TYW3: variants seen among roughly 807,000 people sequenced by gnomAD.
TYW3 encodes tRNA wybutosine-synthesizing protein 3 homolog.
A neutral mutation model predicts 23.1 loss-of-function variants in TYW3; 26 were observed. The ratio of observed to expected loss-of-function variants is 1.13; its 90% CI spans 0.83 to 1.56. The LOEUF (loss-of-function observed/expected upper bound fraction) is 1.56, where lower values mean the gene tolerates loss of function less well. Ranked by LOEUF, TYW3 falls within the 40% of genes most tolerant of loss-of-function variation. TYW3 has a pLI of 0.00. For synonymous variants in TYW3, 102 were observed against 105.7 expected, an observed-to-expected ratio of 0.97 and a Z score of 0.21; for missense variants, 316 against 311.9, an observed-to-expected ratio of 1.01 and a Z score of -0.10.
chr1:74,755,637 T>C (rs1383805471), intron 5 of TYW3, among the ~76,000 whole-genome samples: 7 of 152,214 alleles, frequency 4.6e-5, no homozygotes, highest in Non-Finnish European at 8.8e-5. Flanking sequence ...CTGAACATCA[T>C]TGTACAAGTA....
intron 3 of TYW3, among the ~76,000 whole-genome samples, chr1:74,741,066 T>C (rs1159692848): frequency 6.6e-6 from 1 of 152,144 alleles, no homozygotes; most frequent in Non-Finnish European, 1.5e-5. Flanking sequence ...AAAGGGCCAG[T>C]GGGTCCGTCC....
intron 3 of TYW3, among the ~76,000 whole-genome samples, chr1:74,744,398 G>A (rs935330363): frequency 6.6e-6 from 1 of 151,890 alleles, no homozygotes; most frequent in Admixed American, 6.6e-5. Flanking sequence ...AAAAAAAAAT[G>A]AGCCGCCTCT....
intron 5 of TYW3, among the ~76,000 whole-genome samples, chr1:74,753,067 A>G (rs1434071631): frequency 6.6e-6 from 1 of 152,236 alleles, no homozygotes; most frequent in Non-Finnish European, 1.5e-5. Context: ...AAGTTTATAT[A>G]TAAAGTAGTA....
intron 3 of TYW3, among the ~76,000 whole-genome samples, chr1:74,743,871 G>C (rs903393594): frequency 9.2e-5 from 14 of 152,176 alleles, no homozygotes; most frequent in Admixed American, 5.2e-4. Flanking sequence ...ATCTCTCCAA[G>C]AGAGATCACA....
chr1:74,742,151 G>A (rs567491225), intron 3 of TYW3, among the ~76,000 whole-genome samples: 12 of 152,306 alleles, frequency 7.9e-5, no homozygotes, highest in African/African-American at 2.6e-4. Context: ...TATGGGTGAA[G>A]TCTAATTGCC....
In TYW3 at chr1:74,748,780, G is replaced by A. The variant is rs1352535080; in HGVS notation, c.384G>A (p.Arg128=). The change falls in exon 4 of 6, where the codon AGG becomes AGA. Residue 128 remains arginine, a synonymous_variant. Coordinates refer to ENST00000370867, the MANE Select transcript of TYW3 (RefSeq NM_138467.3). ...LHSMAIDSGF[R]NSGITVGKRG... ...CCATGGCAATAGATTCTGGTTTCAG[G>A]AACTCTGGCATAACGGTGGGAAAGA... is the stretch of plus-strand genomic sequence containing the variant. The A allele has an allele frequency of 1.2e-6, 2 of 1,614,082 alleles. No individual in the cohort carries two copies.
intron 4 of TYW3, chr1:74,751,233 AGTGTGTGTGTAT>A (rs1194002388): frequency 6.6e-6 from 1 of 151,970 alleles, no homozygotes; most frequent in Non-Finnish European, 1.5e-5. Flanking sequence ...TTTTCTTGCC[AGTGTGTGTGTAT>A]GTGTGTGTAT....
intron 4 of TYW3, among the ~76,000 whole-genome samples, chr1:74,750,763 G>A (rs1174413070): frequency 6.7e-6 from 1 of 149,358 alleles, no homozygotes; most frequent in African/African-American, 2.5e-5. Flanking sequence ...TGGTGCCTCT[G>A]GCTGGAGTTC....
chr1:74,736,863 G>A (rs1198676666), intron 2 of TYW3, among the ~76,000 whole-genome samples: 2 of 152,162 alleles, frequency 1.3e-5, no homozygotes, highest in African/African-American at 4.8e-5. Context: ...AAAGTTCATG[G>A]ATATTGGACA....
intron 3 of TYW3, among the ~76,000 whole-genome samples, chr1:74,747,510 G>T (rs1454260525): frequency 4.0e-5 from 6 of 149,486 alleles, no homozygotes; most frequent in Non-Finnish European, 9.0e-5. Flanking sequence ...AGTGGCGGGC[G>T]CCTGTAGTCC....
At chr1:74,759,729 C>T (rs894050188) in intron 5 of TYW3, among the ~76,000 whole-genome samples, 5 of 152,278 alleles carry the variant, frequency 3.3e-5, no homozygotes, top group Admixed American at 6.5e-5. Flanking sequence ...CTGCAACCTT[C>T]GCCTTCCAGG....
At chr1:74,741,135 C>T (rs531010494) in intron 3 of TYW3, among the ~76,000 whole-genome samples, 14 of 152,204 alleles carry the variant, frequency 9.2e-5, no homozygotes, top group African/African-American at 3.4e-4. Context: ...ATAGTCCTAT[C>T]ACAAAGAGTA....
At chr1:74,753,254 TTCAG>T (rs1219488298) in intron 5 of TYW3, among the ~76,000 whole-genome samples, 10 of 152,206 alleles carry the variant, frequency 6.6e-5, no homozygotes, top group Non-Finnish European at 1.5e-4. Context: ...TGAATATCTC[TTCAG>T]TCATTCTGTC....
intron 3 of TYW3, among the ~76,000 whole-genome samples, chr1:74,741,674 T>G (rs1314223582): frequency 2.0e-5 from 3 of 152,252 alleles, no homozygotes; most frequent in Admixed American, 6.5e-5. Context: ...TTTGACCAAG[T>G]TGGCCATTTC....
intron 2 of TYW3, among the ~76,000 whole-genome samples, chr1:74,737,561 C>T (rs906916943): frequency 9.9e-5 from 15 of 152,260 alleles, no homozygotes; most frequent in African/African-American, 3.4e-4. Context: ...TGATTGACAG[C>T]CCCACCAGAA....
chr1:74,753,186 A>T (rs1312232306), intron 5 of TYW3, among the ~76,000 whole-genome samples: 2 of 152,110 alleles, frequency 1.3e-5, no homozygotes, highest in East Asian at 3.9e-4. Flanking sequence ...TGTCGTTTAT[A>T]ATTTTCTTTT....
chr1:74,745,643 C>T (rs941961675), intron 3 of TYW3, among the ~76,000 whole-genome samples: 1 of 152,194 alleles, frequency 6.6e-6, no homozygotes, highest in Non-Finnish European at 1.5e-5. Flanking sequence ...CCTCACCTCT[C>T]AGAAGGAATG....
rs552986118 is a variant in TYW3, at chr1:74,755,289, G to A, written c.560+2864G>A. On this transcript the variant is annotated intron_variant, in intron 5 of 5. Coordinates refer to ENST00000370867, the MANE Select transcript of TYW3 (RefSeq NM_138467.3). ...TGTCGCCACTGTCCATCTCCAGAACGTTTTCATCATCACAAACTAAACTTC... is the reference window on the plus strand; with the variant it reads ...TGTCGCCACTGTCCATCTCCAGAACATTTTCATCATCACAAACTAAACTTC... Among the ~76,000 whole-genome samples the A allele has an allele frequency of 3.3e-5, 5 of 152,180 alleles. No homozygotes were observed. The East Asian group carries it at 5.8e-4, about 18-fold the overall frequency.
Position 74,763,820 on chromosome 1 carries a change from A to G in TYW3, c.561-74A>G, listed in dbSNP as rs1570086502. On this transcript the variant is annotated intron_variant, in intron 5 of 5. Coordinates refer to ENST00000370867, the MANE Select transcript of TYW3 (RefSeq NM_138467.3). Reference sequence around the variant, plus strand: ...GGACATAGTCAAATTTACATAACTTATAAGCTCTTGGTGTATTTCAGTCAT... The same window carrying G: ...GGACATAGTCAAATTTACATAACTTGTAAGCTCTTGGTGTATTTCAGTCAT... The G allele has an allele frequency of 4.3e-6, 5 of 1,160,194 alleles. No individual in the cohort carries two copies. In the South Asian group the frequency reaches 4.8e-5, roughly 11 times the overall value. The allele number at this position is 1,160,194 out of a possible 1,614,324, so 71.9% of individuals were successfully genotyped here. A position where few individuals can be genotyped will look rare whatever the true frequency, so the allele number is the denominator to read the frequency against.
Sources: allele counts gnomAD v4.1 joint callset (sites outside exome capture counted in the v4.1 genomes callset), GRCh38; gene constraint gnomAD v4.1.1; transcripts MANE v1.5; gene names NCBI Gene and HGNC (gene_info 2026-07-23, HGNC 2026-07-21).